CCDC167: variants seen among roughly 807,000 people sequenced by gnomAD.
The protein encoded by CCDC167 is coiled-coil domain-containing protein 167.
In CCDC167, 15 loss-of-function variants were observed where a neutral mutation model predicts 12.7. That is an observed-to-expected ratio of 1.18 (90% CI 0.79 to 1.81). CCDC167 has a LOEUF of 1.81. Ranked by LOEUF, CCDC167 falls within the 40% of genes most tolerant of loss-of-function variation. CCDC167 has a pLI of 0.00. For missense variants in CCDC167, 121 were observed against 120.1 expected, an observed-to-expected ratio of 1.01 and a Z score of -0.03; for synonymous variants, 52 against 49.0, an observed-to-expected ratio of 1.06 and a Z score of -0.26.
At chr6:37,486,176 T>C (rs1302964129) in intron 1 of CCDC167, among the ~76,000 whole-genome samples, 1 of 152,202 alleles carries the variant, frequency 6.6e-6, no homozygotes, top group Non-Finnish European at 1.5e-5. Context: ...CATCTCTGAC[T>C]TCACTCATTC....
At chr6:37,498,030 G>A (rs765737849) in intron 1 of CCDC167, among the ~76,000 whole-genome samples, 7 of 152,124 alleles carry the variant, frequency 4.6e-5, no homozygotes, top group African/African-American at 7.2e-5. Context: ...GACTGCGAGC[G>A]ACTCAATTTT....
intron 1 of CCDC167, among the ~76,000 whole-genome samples, chr6:37,498,802 A>T (rs950535769): frequency 6.7e-6 from 1 of 148,622 alleles, no homozygotes; most frequent in Non-Finnish European, 1.5e-5. Flanking sequence ...TTCAGCCTGG[A>T]CAACAGAGCG....
chr6:37,492,389 C>A (rs1285470498), intron 1 of CCDC167, among the ~76,000 whole-genome samples: 1 of 152,220 alleles, frequency 6.6e-6, no homozygotes, highest in Non-Finnish European at 1.5e-5. Context: ...ATAACAGATA[C>A]TCTCTGTGAG....
intron 1 of CCDC167, among the ~76,000 whole-genome samples, chr6:37,497,432 T>C (rs1387001447): frequency 2.0e-5 from 3 of 151,604 alleles, no homozygotes; most frequent in Non-Finnish European, 4.4e-5. Context: ...TCATGAGTTA[T>C]ATCATGCCTG....
chr6:37,490,145 T>G (rs1761998882), intron 1 of CCDC167, among the ~76,000 whole-genome samples: 1 of 152,328 alleles, frequency 6.6e-6, no homozygotes, highest in South Asian at 2.1e-4. Flanking sequence ...GAACCCACTG[T>G]CAGCCAGCAC....
At chr6:37,491,520 C>G (rs1374224156) in intron 1 of CCDC167, among the ~76,000 whole-genome samples, 1 of 152,304 alleles carries the variant, frequency 6.6e-6, no homozygotes, top group East Asian at 1.9e-4. Context: ...GCTACAGGGT[C>G]AGGCAGTGGT....
chr6:37,485,613 T>C (rs1761932696), intron 1 of CCDC167, among the ~76,000 whole-genome samples: 1 of 152,166 alleles, frequency 6.6e-6, no homozygotes, highest in African/African-American at 2.4e-5. Context: ...TATCCTAGAG[T>C]GGCGGAGATG....
chr6:37,499,676 C>T (rs1448625776), intron 1 of CCDC167, 146 bp downstream of exon 1: 8 of 937,584 alleles, frequency 8.5e-6, no homozygotes, highest in African/African-American at 1.6e-5. Flanking sequence ...TGGGCCTTCT[C>T]ACCCCTCCCG....
intron 1 of CCDC167, among the ~76,000 whole-genome samples, chr6:37,497,087 C>A (rs1762105652): frequency 6.6e-6 from 1 of 152,214 alleles, no homozygotes. Flanking sequence ...GGCAACTAAG[C>A]CCTGTGGCCA....
chr6:37,486,749 G>A (rs77511725), intron 1 of CCDC167, among the ~76,000 whole-genome samples: 1 of 152,326 alleles, frequency 6.6e-6, no homozygotes, highest in East Asian at 1.9e-4. Context: ...CTGTCCCTGG[G>A]GAGGCCAAAG....
intron 1 of CCDC167, among the ~76,000 whole-genome samples, chr6:37,485,878 T>C (rs1243168411): frequency 6.6e-6 from 1 of 152,206 alleles, no homozygotes; most frequent in African/African-American, 2.4e-5. Context: ...ATAGTTAAGG[T>C]ATCTGTTTTT....
chr6:37,483,423 A>T (rs1158724798), intron 3 of CCDC167, 134 bp from the exon 4 acceptor site: 4 of 641,604 alleles, frequency 6.2e-6, no homozygotes, highest in Non-Finnish European at 1.1e-5. Flanking sequence ...ACCCATAAAA[A>T]TGACTCTGCC....
At chr6:37,488,317 G>A (rs1242856505) in intron 1 of CCDC167, among the ~76,000 whole-genome samples, 1 of 152,190 alleles carries the variant, frequency 6.6e-6, no homozygotes, top group Non-Finnish European at 1.5e-5. Context: ...CTGAAAGGTG[G>A]GAGAGGACCC....
intron 1 of CCDC167, 24 bp downstream of exon 1, chr6:37,499,798 C>T: frequency 6.2e-7 from 1 of 1,613,372 alleles, no homozygotes. Context: ...AACGAGGTGG[C>T]CCAACCCCCA....
At chr6:37,497,031 G>GAAAA (rs1554124248) in intron 1 of CCDC167, among the ~76,000 whole-genome samples, 1 of 152,234 alleles carries the variant, frequency 6.6e-6, no homozygotes, top group Non-Finnish European at 1.5e-5. Flanking sequence ...CAGAGGAAGG[G>GAAAA]AATCTGGCAG....
At position 37,483,174 on chromosome 6, in the gene CCDC167, G is replaced by GAAGTGC; in HGVS notation, c.*6_*11dup. 1 of 1,600,488 alleles carries GAAGTGC rather than the reference G, an allele frequency of 6.2e-7. No homozygotes were observed. Among genetic ancestry groups the GAAGTGC allele is most frequent in the Non-Finnish European group, 8.6e-7 (1 of 1,167,586 alleles). ...AGTGGAAGCCTGTGCTGGTTGTGGG[G>GAAGTGC]AAGTGCCAGGCTCACATGGTCCAGT... On this transcript the variant is annotated 3_prime_UTR_variant, in exon 4 of 4. Coordinates refer to ENST00000373408, the MANE Select transcript of CCDC167 (RefSeq NM_138493.3).
intron 1 of CCDC167, among the ~76,000 whole-genome samples, chr6:37,494,805 A>ATTTTTTTTTTTTT (rs201478338): frequency 0.033 from 3,735 of 114,810 alleles, 235 homozygotes; most frequent in South Asian, 0.039. Context: ...CTACCTACAA[A>ATTTTTTTTTTTTT]TTTTTTTTTT....
chr6:37,496,883 A>G (rs1173152955), intron 1 of CCDC167, among the ~76,000 whole-genome samples: 1 of 152,220 alleles, frequency 6.6e-6, no homozygotes, highest in East Asian at 1.9e-4. Context: ...GTTCTTGCCA[A>G]TGGAAAGTGG....
intron 1 of CCDC167, among the ~76,000 whole-genome samples, chr6:37,489,324 G>A (rs1451536007): frequency 6.6e-6 from 1 of 152,186 alleles, no homozygotes; most frequent in Non-Finnish European, 1.5e-5. Flanking sequence ...GCAGGGAGGA[G>A]GGCCCCTCTA....
Sources: gnomAD v4.1 joint callset for allele counts (sites outside exome capture counted in the v4.1 genomes callset) on GRCh38, gnomAD v4.1.1 for gene constraint, MANE v1.5 for transcripts, NCBI Gene and HGNC (gene_info 2026-07-23, HGNC 2026-07-21) for gene names.